ST3GAL1: variants seen among roughly 807,000 people sequenced by gnomAD.
The protein encoded by ST3GAL1 is CMP-N-acetylneuraminate-beta-galactosamide-alpha-2,3-sialyltransferase 1.
Under a neutral mutation model 34.1 loss-of-function variants are expected in ST3GAL1, and 16 were observed. The observed-to-expected ratio is 0.47, with a 90% CI of 0.32 to 0.71. The LOEUF (loss-of-function observed/expected upper bound fraction) is 0.71, where lower values mean the gene tolerates loss of function less well. Among genes scored for constraint, ST3GAL1 ranks in the 30% least tolerant of loss-of-function variants. The pLI, the probability that ST3GAL1 is intolerant of heterozygous loss-of-function variation, is 0.04. For missense variants in ST3GAL1, 353 were observed against 447.4 expected (o/e 0.79, Z 1.90); for synonymous variants, 191 against 184.7 (o/e 1.03, Z -0.28).
At chr8:133,473,309 C>G (rs1172281463) in intron 5 of ST3GAL1, among the ~76,000 whole-genome samples, 1 of 152,168 alleles carries the variant, frequency 6.6e-6, no homozygotes, top group African/African-American at 2.4e-5. Context: ...ATTTGATGTT[C>G]TCTTTTGCAA....
chr8:133,497,456 A>AT (rs1159737986), intron 3 of ST3GAL1, among the ~76,000 whole-genome samples: 1,137 of 20,390 alleles, frequency 0.056, 34 homozygotes, highest in Non-Finnish European at 0.088. Flanking sequence ...TTTTGTTGGA[A>AT]TTTTTTTTTT....
chr8:133,539,455 T>C (rs1198263945), intron 2 of ST3GAL1, among the ~76,000 whole-genome samples: 1 of 152,176 alleles, frequency 6.6e-6, no homozygotes, highest in African/African-American at 2.4e-5. Context: ...CCCACTTATC[T>C]AGGGCTTGCA....
intron 2 of ST3GAL1, among the ~76,000 whole-genome samples, chr8:133,532,917 G>A (rs190497728): frequency 2.0e-3 from 303 of 152,044 alleles, no homozygotes; most frequent in Non-Finnish European, 3.5e-3. Context: ...GCTAACTTCT[G>A]CTTCACTCCT....
At chr8:133,513,276 C>T (rs893652236) in intron 2 of ST3GAL1, among the ~76,000 whole-genome samples, 3 of 152,176 alleles carry the variant, frequency 2.0e-5, no homozygotes, top group Non-Finnish European at 4.4e-5. Context: ...CCCACTCTCG[C>T]CTCTTCTCCT....
At chr8:133,476,219 C>T (rs548488691) in intron 4 of ST3GAL1, 59 bp downstream of exon 4, 12 of 581,206 alleles carry the variant, frequency 2.1e-5, no homozygotes, top group East Asian at 6.0e-5. Flanking sequence ...GTCCCAGACA[C>T]GGCTGTGTGG....
chr8:133,561,795 G>A (rs914791415), intron 1 of ST3GAL1, among the ~76,000 whole-genome samples: 2 of 152,134 alleles, frequency 1.3e-5, no homozygotes, highest in Non-Finnish European at 1.5e-5. Flanking sequence ...CACTCGACCA[G>A]ATGTTGATCA....
intron 2 of ST3GAL1, among the ~76,000 whole-genome samples, chr8:133,531,327 A>C (rs1818146045): frequency 6.6e-6 from 1 of 152,194 alleles, no homozygotes; most frequent in Non-Finnish European, 1.5e-5. Flanking sequence ...GTATGTATAT[A>C]GTATGTATGT....
chr8:133,550,199 C>T (rs1009528189), intron 1 of ST3GAL1, among the ~76,000 whole-genome samples: 14 of 152,190 alleles, frequency 9.2e-5, no homozygotes, highest in African/African-American at 3.4e-4. Flanking sequence ...TTCTAAAAGC[C>T]ATGTCCCAGT....
chr8:133,533,426 C>A (rs1186193830), intron 2 of ST3GAL1, among the ~76,000 whole-genome samples: 1 of 152,208 alleles, frequency 6.6e-6, no homozygotes, highest in Non-Finnish European at 1.5e-5. Flanking sequence ...GCTCACCCCG[C>A]TCCCCACCAA....
At chr8:133,483,732 T>TG (rs896320058) in intron 3 of ST3GAL1, among the ~76,000 whole-genome samples, 1 of 151,964 alleles carries the variant, frequency 6.6e-6, no homozygotes, top group Non-Finnish European at 1.5e-5. Context: ...CCTAACACAC[T>TG]GGGGGAAATG....
intron 2 of ST3GAL1, among the ~76,000 whole-genome samples, chr8:133,501,852 GA>G (rs1817166767): frequency 6.6e-6 from 1 of 152,338 alleles, no homozygotes; most frequent in East Asian, 1.9e-4. Context: ...ATGGGGAAAT[GA>G]AATCTGCTGA....
At chr8:133,477,878 A>G (rs965493128) in intron 3 of ST3GAL1, among the ~76,000 whole-genome samples, 3 of 152,178 alleles carry the variant, frequency 2.0e-5, no homozygotes, top group Non-Finnish European at 4.4e-5. Context: ...CAGGAAAATT[A>G]GAGTTGAAAG....
chr8:133,497,120 T>G (rs1319505424), intron 3 of ST3GAL1, among the ~76,000 whole-genome samples: 2 of 152,206 alleles, frequency 1.3e-5, no homozygotes, highest in South Asian at 2.1e-4. Context: ...ACTGCACCCC[T>G]ACCTGGGCCC....
intron 3 of ST3GAL1, among the ~76,000 whole-genome samples, chr8:133,480,354 G>T (rs1410122163): frequency 1.3e-5 from 2 of 152,340 alleles, no homozygotes; most frequent in Middle Eastern, 3.4e-3. Context: ...GAGACTGAGA[G>T]AACTGTGTGA....
At chr8:133,543,125 A>G (rs1818580150) in intron 2 of ST3GAL1, among the ~76,000 whole-genome samples, 1 of 152,230 alleles carries the variant, frequency 6.6e-6, no homozygotes, top group South Asian at 2.1e-4. Context: ...CAGCCACACC[A>G]GTGCCTCTTG....
chr8:133,551,359 T>C (rs1312438810), intron 1 of ST3GAL1, among the ~76,000 whole-genome samples: 1 of 151,738 alleles, frequency 6.6e-6, no homozygotes, highest in Admixed American at 6.6e-5. Context: ...TCCCAGCTAC[T>C]GAGGAGGCTG....
chr8:133,518,427 C>T (rs1164094016), intron 2 of ST3GAL1, among the ~76,000 whole-genome samples: 3 of 152,238 alleles, frequency 2.0e-5, no homozygotes, highest in African/African-American at 7.2e-5. Context: ...AGAAAAGATC[C>T]TGCAAGGAGA....
Position 133,457,798 on chromosome 8 carries a change from T to G in ST3GAL1, c.*1966A>C, listed in dbSNP as rs1019112857. The G allele has an allele frequency of 6.6e-6, 1 of 152,096 alleles. No homozygotes were observed. The highest frequency in any genetic ancestry group is 1.5e-5 in the Non-Finnish European group (1 of 68,040). 9.4% of individuals were successfully genotyped at this position (152,096 alleles called of 1,614,324 possible). A position where few individuals can be genotyped will look rare whatever the true frequency, so the allele number is the denominator to read the frequency against. On this transcript the variant is annotated 3_prime_UTR_variant, in exon 10 of 10. Coordinates refer to ENST00000522652, the MANE Select transcript of ST3GAL1 (RefSeq NM_173344.3). ...AGCCACCTGTGACCCATGACTGATG[T>G]CCCCAAGTTCCTCCCTCCCCGTGTG...
chr8:133,521,138 GT>G (rs35051988), intron 2 of ST3GAL1, among the ~76,000 whole-genome samples: 1 of 11,198 alleles, frequency 8.9e-5, no homozygotes, highest in Non-Finnish European at 1.6e-4. Flanking sequence ...TTTGTGGGTT[GT>G]TTTTTTTTTT....
Sources: gnomAD v4.1 joint callset for allele counts (sites outside exome capture counted in the v4.1 genomes callset) on GRCh38, gnomAD v4.1.1 for gene constraint, MANE v1.5 for transcripts, NCBI Gene and HGNC (gene_info 2026-07-23, HGNC 2026-07-21) for gene names.